Variants in VPS13B observed in about 807,000 individuals in gnomAD.
VPS13B encodes vacuolar protein sorting 13 homolog B, also known as intermembrane lipid transfer protein VPS13B.
VPS13B carries 285 observed loss-of-function variants against 426.4 expected under a neutral mutation model. The observed-to-expected ratio is 0.67, with a 90% confidence interval of 0.61 to 0.74. VPS13B has a LOEUF of 0.74. Among genes scored for constraint, VPS13B ranks in the 30% least tolerant of loss-of-function variants. The probability of loss-of-function intolerance (pLI) is 0.00; values close to 1 mark genes in which losing one functional copy is unlikely to be tolerated. For synonymous variants in VPS13B, 1,676 were observed against 1,676.4 expected, an observed-to-expected ratio of 1.00 and a Z score of 0.01; for missense variants, 4,537 against 4,782.6, an observed-to-expected ratio of 0.95 and a Z score of 1.51.
At chr8:99,837,733 G>A (rs530471245) in intron 54 of VPS13B, among the ~76,000 whole-genome samples, 62 of 152,230 alleles carry the variant, frequency 4.1e-4, no homozygotes, top group African/African-American at 1.4e-3. Context: ...GACCCTCACC[G>A]ACATCTCCTC....
intron 35 of VPS13B, among the ~76,000 whole-genome samples, chr8:99,662,440 T>TTTTATTTA (rs144832781): frequency 6.6e-6 from 1 of 151,306 alleles, no homozygotes; most frequent in African/African-American, 2.4e-5. Context: ...TTTTATTTAA[T>TTTTATTTA]TTTATTTATT....
chr8:99,835,507 T>G, intron 53 of VPS13B, 32 bp from the exon 54 acceptor site: 2 of 1,605,724 alleles, frequency 1.2e-6, no homozygotes, highest in Non-Finnish European at 1.7e-6. Flanking sequence ...CTTTAAGGGC[T>G]AATTCTGCAT....
chr8:99,102,116 T>C (rs1009864288), intron 4 of VPS13B, among the ~76,000 whole-genome samples: 2 of 152,138 alleles, frequency 1.3e-5, no homozygotes, highest in African/African-American at 2.4e-5. Flanking sequence ...TATTCCTCAG[T>C]AGCATGAAAT....
intron 13 of VPS13B, among the ~76,000 whole-genome samples, chr8:99,145,347 A>G (rs1444795411): frequency 1.2e-4 from 18 of 152,150 alleles, no homozygotes; most frequent in Admixed American, 1.1e-3. Context: ...ATACAATTTC[A>G]TCACCTTTGT....
intron 30 of VPS13B, among the ~76,000 whole-genome samples, chr8:99,544,509 G>T (rs1823842819): frequency 6.6e-6 from 1 of 151,976 alleles, no homozygotes; most frequent in South Asian, 2.1e-4. Context: ...TTATAATTCA[G>T]CCGTAATTAT....
chr8:99,526,169 C>T (rs1055228353), intron 30 of VPS13B, among the ~76,000 whole-genome samples: 4 of 151,966 alleles, frequency 2.6e-5, no homozygotes, highest in East Asian at 3.9e-4. Context: ...GTTAAATATA[C>T]GTTTGAAAAT....
intron 2 of VPS13B, among the ~76,000 whole-genome samples, chr8:99,024,771 T>C (rs547663311): frequency 6.6e-5 from 10 of 152,354 alleles, no homozygotes; most frequent in Admixed American, 3.3e-4. Context: ...CAGAATTGCT[T>C]TGGTTATTCA....
intron 19 of VPS13B, among the ~76,000 whole-genome samples, chr8:99,290,121 A>T (rs1432670659): frequency 1.3e-5 from 2 of 152,072 alleles, no homozygotes; most frequent in Non-Finnish European, 2.9e-5. Flanking sequence ...TATGATATAA[A>T]GATGAACGAG....
At chr8:99,141,225 T>G (rs1810402875) in intron 12 of VPS13B, among the ~76,000 whole-genome samples, 1 of 152,134 alleles carries the variant, frequency 6.6e-6, no homozygotes, top group Non-Finnish European at 1.5e-5. Context: ...TAGCTGAAAA[T>G]ATATAGCTAA....
chr8:99,845,868 T>C (rs1375260128), intron 54 of VPS13B, among the ~76,000 whole-genome samples: 1 of 152,192 alleles, frequency 6.6e-6, no homozygotes, highest in Non-Finnish European at 1.5e-5. Context: ...AATAAAGCCT[T>C]ATTCACAATA....
At chr8:99,521,527 T>G (rs527452234) in intron 30 of VPS13B, among the ~76,000 whole-genome samples, 1 of 152,304 alleles carries the variant, frequency 6.6e-6, no homozygotes, top group African/African-American at 2.4e-5. Flanking sequence ...TCACTGAGTA[T>G]TTGCAAACCA....
chr8:99,125,982 G>A (rs1848172282), intron 8 of VPS13B, among the ~76,000 whole-genome samples: 1 of 151,728 alleles, frequency 6.6e-6, no homozygotes, highest in Non-Finnish European at 1.5e-5. Context: ...GGTGATATGA[G>A]TGATCTAATA....
chr8:99,288,939 A>G (rs1316541879), intron 19 of VPS13B, among the ~76,000 whole-genome samples: 3 of 151,936 alleles, frequency 2.0e-5, no homozygotes, highest in Admixed American at 6.6e-5. Flanking sequence ...GTTCATGCCT[A>G]TAATCTCAGC....
chr8:99,339,612 T>G (rs1011215693), intron 19 of VPS13B, among the ~76,000 whole-genome samples: 1 of 152,036 alleles, frequency 6.6e-6, no homozygotes, highest in Non-Finnish European at 1.5e-5. Context: ...ACGTCAGTTT[T>G]TTTTTTTTTC....
At chr8:99,073,607 T>G (rs1844947832) in intron 3 of VPS13B, among the ~76,000 whole-genome samples, 1 of 152,044 alleles carries the variant, frequency 6.6e-6, no homozygotes, top group African/African-American at 2.4e-5. Context: ...ATTTAAGAGC[T>G]TTCTGGCAGT....
At position 99,817,577 on chromosome 8, in the gene VPS13B, T is replaced by C. The variant is rs763978075; in HGVS notation, c.8135T>C (p.Leu2712Ser). ...GGAAGACAGATCATCTGTAGTTACT[T>C]GTCTCAAAGCATAGAACTAAAAGTC... ...ICGRQIICSY[L>S]SQSIELKVVQ... is the part of the protein sequence containing the mutation. Residue 2712 changes from leucine (L) to serine (S), a missense_variant, in exon 45 of 62, where the codon TTG (leucine) becomes TCG (serine). Leu to Ser is a moderately radical substitution (Grantham distance 145). Around this residue, in one of 2 missense-constraint regions of VPS13B, gnomAD observed 4,311 missense variants for 4,474.3 expected, o/e 0.96. Coordinates refer to ENST00000357162, the MANE Select transcript of VPS13B (RefSeq NM_152564.5). 2.5e-6 allele frequency: 4 copies of C among 1,614,070 alleles called. No individual in the cohort carries two copies. Among genetic ancestry groups the C allele is most frequent in the South Asian group, 1.1e-5 (1 of 91,080 alleles).
intron 19 of VPS13B, among the ~76,000 whole-genome samples, chr8:99,289,066 A>AATGAAAGAAG (rs1350775653): frequency 1.3e-4 from 6 of 45,582 alleles, no homozygotes; most frequent in East Asian, 4.4e-4. Context: ...AATGAATGAA[A>AATGAAAGAAG]GAAGGAAGGA....
At chr8:99,286,707 C>G (rs904002507) in intron 19 of VPS13B, among the ~76,000 whole-genome samples, 1 of 152,158 alleles carries the variant, frequency 6.6e-6, no homozygotes, top group Non-Finnish European at 1.5e-5. Context: ...AAACACAGAG[C>G]TCTACATTGA....
chr8:99,202,901 G>A (rs1325417303), intron 17 of VPS13B, among the ~76,000 whole-genome samples: 1 of 152,106 alleles, frequency 6.6e-6, no homozygotes. Context: ...GGGCGTGGTG[G>A]TGGGCACCTG....
Sources: allele counts gnomAD v4.1 joint callset (sites outside exome capture counted in the v4.1 genomes callset), GRCh38; gene constraint gnomAD v4.1.1; regional missense constraint gnomAD v4.1.1; transcripts MANE v1.5; gene names NCBI Gene and HGNC (gene_info 2026-07-23, HGNC 2026-07-21).